Variants in MBP observed in about 807,000 individuals in gnomAD.
MBP encodes the protein Golli-MBP.
In MBP, 16 loss-of-function variants were observed where a neutral mutation model predicts 35.8. The ratio of observed to expected loss-of-function variants is 0.45; its 90% CI spans 0.30 to 0.68. The LOEUF (loss-of-function observed/expected upper bound fraction) is 0.68, where lower values mean the gene tolerates loss of function less well. MBP is among the 30% of genes least tolerant of loss of function. The pLI, the probability that MBP is intolerant of heterozygous loss-of-function variation, is 0.08. For synonymous variants in MBP, 143 were observed against 159.6 expected (o/e 0.90, Z 0.78); for missense variants, 380 against 404.7 (o/e 0.94, Z 0.52).
At chr18:77,073,062 T>G (rs1428297861) in intron 2 of MBP, among the ~76,000 whole-genome samples, 1 of 152,246 alleles carries the variant, frequency 6.6e-6, no homozygotes, top group African/African-American at 2.4e-5. Context: ...GAAACTTTAG[T>G]TGACAATGAA....
chr18:76,992,671 G>A (rs1286266730), intron 4 of MBP, among the ~76,000 whole-genome samples: 1 of 152,212 alleles, frequency 6.6e-6, no homozygotes, highest in African/African-American at 2.4e-5. Flanking sequence ...TCGGGAAACA[G>A]AAGCAACATG....
chr18:77,043,888 C>T (rs930781073), intron 3 of MBP, among the ~76,000 whole-genome samples: 4 of 152,014 alleles, frequency 2.6e-5, no homozygotes, highest in Admixed American at 2.0e-4. Context: ...GACTGTCACG[C>T]GTCCACTCTG....
Position 76,988,016 on chromosome 18 carries a change from T to C in MBP, c.750+479A>G. ...AATCTTTGGATTAATGAGGTTATTA[T>C]AAATCGAGCAACTCTATTTAGCCTC... On this transcript the variant is annotated intron_variant, in intron 7 of 8. Transcript: ENST00000355994. The surrounding 1 kb of genome is among the most constrained non-coding windows in gnomAD (Gnocchi z 5.2). 1.5e-6 allele frequency: 2 copies of C among 1,350,492 alleles called. No homozygotes were observed. Among genetic ancestry groups the C allele is most frequent in the Non-Finnish European group, 1.9e-6 (2 of 1,046,638 alleles). The allele number at this position is 1,350,492 out of a possible 1,614,324, so 83.7% of individuals were successfully genotyped here.
At chr18:77,010,253 C>G in intron 4 of MBP, 1 of 308,420 alleles carries the variant, frequency 3.2e-6, no homozygotes, top group Non-Finnish European at 6.1e-6. Flanking sequence ...AACAATGGGA[C>G]CAAGAGTTCT....
At chr18:77,048,423 G>C (rs868611285) in intron 3 of MBP, among the ~76,000 whole-genome samples, 99 of 152,186 alleles carry the variant, frequency 6.5e-4, no homozygotes, top group African/African-American at 2.4e-3. Flanking sequence ...CCTTCTATTG[G>C]CATCTGACTT....
At chr18:77,081,891 G>T (rs903788563) in intron 2 of MBP, among the ~76,000 whole-genome samples, 2 of 74,030 alleles carry the variant, frequency 2.7e-5, no homozygotes, top group South Asian at 5.4e-4. Flanking sequence ...TCGCTCTGTC[G>T]CACAGGCTGG....
chr18:77,087,991 C>A (rs1385449831), intron 2 of MBP, among the ~76,000 whole-genome samples: 1 of 152,008 alleles, frequency 6.6e-6, no homozygotes, highest in Non-Finnish European at 1.5e-5. Context: ...CAGGCAGGTT[C>A]CCACCCTCCG....
At chr18:77,098,839 C>G (rs1975877717) in intron 2 of MBP, among the ~76,000 whole-genome samples, 1 of 152,220 alleles carries the variant, frequency 6.6e-6, no homozygotes, top group African/African-American at 2.4e-5. Context: ...CGGGCCGTTC[C>G]TTGTTCCTCC....
At chr18:77,069,152 C>A (rs1446814378) in intron 2 of MBP, 5 of 439,396 alleles carry the variant, frequency 1.1e-5, no homozygotes, top group Admixed American at 4.8e-5. Flanking sequence ...ACCTTCCCAA[C>A]CCTCAGGCCT....
chr18:77,103,531 A>AT (rs956499255), intron 2 of MBP, among the ~76,000 whole-genome samples: 26 of 152,360 alleles, frequency 1.7e-4, no homozygotes, highest in African/African-American at 5.8e-4. Context: ...AATCAAAAGT[A>AT]TTTTTGCATC....
intron 1 of MBP, among the ~76,000 whole-genome samples, chr18:77,122,690 C>T (rs1349957248): frequency 6.6e-6 from 1 of 152,090 alleles, no homozygotes; most frequent in Non-Finnish European, 1.5e-5. Context: ...TTACAGGCGC[C>T]CACCACCACG....
Position 76,989,979 on chromosome 18 carries a change from C to A in MBP, c.658G>T (p.Val220Leu). 1 of 1,612,280 alleles carries A rather than the reference C, an allele frequency of 6.2e-7. No homozygotes were observed. Among genetic ancestry groups the A allele is most frequent in the Non-Finnish European group, 8.5e-7 (1 of 1,179,814 alleles). Residue 220 changes from valine (V) to leucine (L), a missense_variant, in exon 5 of 9, where the codon GTA (valine) becomes TTA (leucine). Transcript: ENST00000355994. The surrounding 1 kb of genome is among the most constrained non-coding windows in gnomAD (Gnocchi z 4.0). ...ACAATGTTCTTGAAGAAGTGGACTA[C>A]GGGGTTTTCATCTTGGGTCCGGCCG... ...SHGRTQDENP[V>L]VHFFKNIVTP...
intron 4 of MBP, chr18:77,016,387 GAGCAACATGAAGCT>G (rs1971639657): frequency 2.0e-6 from 2 of 998,108 alleles, no homozygotes; most frequent in African/African-American, 1.7e-5. Context: ...GATTGTCGCA[GAGCAACATGAAGCT>G]AGCAGCACTG....
intron 2 of MBP, among the ~76,000 whole-genome samples, chr18:77,074,760 C>T (rs575671995): frequency 7.9e-5 from 12 of 152,340 alleles, no homozygotes; most frequent in African/African-American, 2.6e-4. Context: ...CAGTGCAGAA[C>T]GCCCTTATAA....
At chr18:77,029,399 T>G in intron 3 of MBP, among the ~76,000 whole-genome samples, 3 of 120,542 alleles carry the variant, frequency 2.5e-5, no homozygotes, top group South Asian at 3.0e-4. Flanking sequence ...AGGGAGACCG[T>G]GGAAAGAGAG....
intron 2 of MBP, among the ~76,000 whole-genome samples, chr18:77,071,726 C>T (rs1169073949): frequency 1.3e-5 from 2 of 152,134 alleles, no homozygotes; most frequent in Non-Finnish European, 2.9e-5. Flanking sequence ...TGCTCAGGAG[C>T]TGAGCATACA....
chr18:77,025,883 C>T (rs1048552202), intron 3 of MBP, among the ~76,000 whole-genome samples: 7 of 152,002 alleles, frequency 4.6e-5, no homozygotes, highest in African/African-American at 1.2e-4. Flanking sequence ...GCCGAGGTTC[C>T]GCTGCTGCCT....
chr18:77,124,292 G>C (rs1269024096), intron 1 of MBP, among the ~76,000 whole-genome samples: 1 of 152,282 alleles, frequency 6.6e-6, no homozygotes, highest in Non-Finnish European at 1.5e-5. Flanking sequence ...AGGTAATTTG[G>C]TTAATCACTT....
At chr18:77,041,960 C>T (rs1341813651) in intron 3 of MBP, among the ~76,000 whole-genome samples, 1 of 151,596 alleles carries the variant, frequency 6.6e-6, no homozygotes, top group Non-Finnish European at 1.5e-5. Flanking sequence ...CATAAAAGAC[C>T]TGCAGGAACC....
Sources: gnomAD v4.1 joint callset for allele counts (sites outside exome capture counted in the v4.1 genomes callset) on GRCh38, gnomAD v4.1.1 for gene constraint, Gnocchi (gnomAD v3.1) non-coding constraint, MANE v1.5 for transcripts, NCBI Gene and HGNC (gene_info 2026-07-23, HGNC 2026-07-21) for gene names.